The following BRCA2 variants were observed in gnomAD, a reference collection of about 807,000 sequenced individuals.
BRCA2 encodes breast cancer type 2 susceptibility protein.
In BRCA2, 203 loss-of-function variants were observed where a neutral mutation model predicts 276.7. The ratio of observed to expected loss-of-function variants is 0.73; its 90% CI spans 0.65 to 0.82. The LOEUF (loss-of-function observed/expected upper bound fraction) is 0.82, where lower values mean the gene tolerates loss of function less well. BRCA2 is among the 40% of genes least tolerant of loss of function. The probability of loss-of-function intolerance (pLI) is 0.00; values close to 1 mark genes in which losing one functional copy is unlikely to be tolerated. For synonymous variants in BRCA2, 1,289 were observed against 1,338.4 expected (o/e 0.96, Z 0.81); for missense variants, 3,920 against 3,915.0 (o/e 1.00, Z -0.03).
At chr13:32,389,746 G>T (rs780392422) in intron 24 of BRCA2, among the ~76,000 whole-genome samples, 28 of 152,250 alleles carry the variant, frequency 1.8e-4, no homozygotes, top group Non-Finnish European at 3.7e-4. Flanking sequence ...TCCAGATAAG[G>T]CTGCATTCAC....
intron 24 of BRCA2, among the ~76,000 whole-genome samples, chr13:32,391,506 T>C (rs546860324): frequency 2.0e-4 from 31 of 152,276 alleles, no homozygotes; most frequent in Non-Finnish European, 3.7e-4. Context: ...GAGTTGTCAA[T>C]AGCTAGCTCT....
intron 7 of BRCA2, among the ~76,000 whole-genome samples, 193 bp from the exon 8 acceptor site, chr13:32,329,250 A>G (rs1057346192): frequency 6.6e-6 from 1 of 152,194 alleles, no homozygotes; most frequent in Non-Finnish European, 1.5e-5. Flanking sequence ...GAGTAGTACT[A>G]AGGAAGTAAG....
At position 32,332,457 on chromosome 13, in the gene BRCA2, A is replaced by G. The variant is rs80359242; in HGVS notation, c.979A>G (p.Lys327Glu). Residue 327 changes from lysine (K) to glutamate (E), a missense_variant, in exon 10 of 27, where the codon AAG (lysine) becomes GAG (glutamate). Physicochemically the swap from Lys to Glu is moderately conservative, Grantham distance 56 (BLOSUM62 1). Coordinates refer to ENST00000380152, the MANE Select transcript of BRCA2 (RefSeq NM_000059.4). The part of the protein sequence containing the change: ...TKNLQKVRTS[K>E]TRKKIFHEAN... ...AAATCTACAAAAAGTAAGAACTAGC[A>G]AGACTAGGAAAAAAATTTTCCATGA... is the stretch of plus-strand genomic sequence containing the variant. The G allele has an allele frequency of 6.3e-7, 1 of 1,593,252 alleles. No homozygotes were observed. Among genetic ancestry groups the G allele is most frequent in the South Asian group, 1.2e-5 (1 of 86,178 alleles).
In BRCA2 at chr13:32,337,301, A is replaced by G. The variant is rs80358541; in HGVS notation, c.2946A>G (p.Ile982Met). Reference protein sequence around the residue: ...KSDISLNIDKIPEKNNDYMNK... With the variant: ...KSDISLNIDKMPEKNNDYMNK... ...ACATCTCCTTGAATATAGATAAAAT[A>G]CCAGAAAAAAATAATGATTACATGA... The change falls in exon 11 of 27, where the codon ATA becomes ATG. Residue 982 changes from isoleucine to methionine, a missense_variant. By Grantham distance (10) the Ile-to-Met change is conservative (BLOSUM62 1). This residue lies in a region of BRCA2 where 3,263 missense variants were observed against 3,156.9 expected (regional missense o/e 1.03). Coordinates refer to ENST00000380152, the MANE Select transcript of BRCA2 (RefSeq NM_000059.4). The G allele has an allele frequency of 1.8e-5, 29 of 1,612,682 alleles. No individual in the cohort carries two copies. The Admixed American group carries it at 4.3e-4, about 24-fold the overall frequency.
chr13:32,326,459 G>A (rs768257523), intron 6 of BRCA2, 40 bp from the exon 7 acceptor site: 3 of 1,502,346 alleles, frequency 2.0e-6, no homozygotes, highest in African/African-American at 2.8e-5. Flanking sequence ...TAATGATCAG[G>A]GCATTTCTAT....
At chr13:32,329,895 C>A (rs2137459362) in intron 8 of BRCA2, among the ~76,000 whole-genome samples, 1 of 152,142 alleles carries the variant, frequency 6.6e-6, no homozygotes, top group South Asian at 2.1e-4. Flanking sequence ...AAGAGATTAA[C>A]AAGAACTAAT....
In BRCA2 at chr13:32,357,716, T is replaced by G. The variant is rs764030327; in HGVS notation, c.7618-26T>G. ...CATGTTTACTTTAAATTGTTTTTCT[T>G]TTTTGTGTGTGTTTATTTTGTGTAG... On this transcript the variant is annotated intron_variant, in intron 15 of 26. Coordinates refer to ENST00000380152, the MANE Select transcript of BRCA2 (RefSeq NM_000059.4). The G allele has an allele frequency of 2.3e-5, 37 of 1,599,952 alleles. No homozygotes were observed. The Admixed American group carries it at 6.1e-4, about 26-fold the overall frequency.
intron 18 of BRCA2, 30 bp downstream of exon 18, chr13:32,363,563 C>G (rs766143318): frequency 6.4e-7 from 1 of 1,573,928 alleles, no homozygotes; most frequent in Non-Finnish European, 8.7e-7. Flanking sequence ...TGGTAAAAAT[C>G]AGTCATTGAT....
chr13:32,336,874 T>C lies in BRCA2; in HGVS notation c.2519T>C (p.Met840Thr), dbSNP rs758009637. The change falls in exon 11 of 27, where the codon ATG becomes ACG. Residue 840 changes from methionine (M) to threonine (T), a missense_variant. Physicochemically the swap from Met to Thr is moderately conservative, Grantham distance 81. Around this residue, in one of 2 missense-constraint regions of BRCA2, gnomAD observed 3,263 missense variants for 3,156.9 expected, o/e 1.03. Coordinates refer to ENST00000380152, the MANE Select transcript of BRCA2 (RefSeq NM_000059.4). ...NVELLPPEKY[M>T]RVASPSRKVQ... ...GAGCTGTTGCCACCTGAAAAATACA[T>C]GAGAGTAGCATCACCTTCAAGAAAG... 2 of 1,610,694 alleles carry C rather than the reference T, an allele frequency of 1.2e-6. No homozygotes were observed. The highest frequency in any genetic ancestry group is 2.2e-5 in the East Asian group (1 of 44,846).
In BRCA2 at chr13:32,340,685, T is replaced by TA. The variant is rs876659617; in HGVS notation, c.6332dup (p.Arg2112GlufsTer17). ...TATCAAAAATACTTCCTCGTGTTGATAAGAGAAACCCAGAGCACTGTGTAA... is the reference window on the plus strand; with the variant it reads ...TATCAAAAATACTTCCTCGTGTTGATAAAGAGAAACCCAGAGCACTGTGTAA... On this transcript the variant is annotated frameshift_variant, in exon 11 of 27. Coordinates refer to ENST00000380152, the MANE Select transcript of BRCA2 (RefSeq NM_000059.4). LOFTEE classifies it high-confidence loss of function. The TA allele has an allele frequency of 1.9e-6, 3 of 1,609,018 alleles. No individual in the cohort carries two copies. In the South Asian group the frequency reaches 3.3e-5, roughly 18 times the overall value.
chr13:32,382,026 T>G (rs1270469265), intron 24 of BRCA2, among the ~76,000 whole-genome samples: 1 of 152,196 alleles, frequency 6.6e-6, no homozygotes, highest in Non-Finnish European at 1.5e-5. Flanking sequence ...TAGATGCTTA[T>G]TAGGCATCTA....
intron 1 of BRCA2, among the ~76,000 whole-genome samples, chr13:32,315,890 G>A (rs1460001159): frequency 1.3e-5 from 2 of 152,194 alleles, no homozygotes; most frequent in Non-Finnish European, 2.9e-5. Context: ...TCCCGCCTCC[G>A]GCCCGGCCTT....
Position 32,340,531 on chromosome 13 carries a change from GT to G in BRCA2, c.6177del (p.Ser2059ArgfsTer11). 1 of 1,613,408 alleles carries G rather than the reference GT, an allele frequency of 6.2e-7. No homozygotes were observed. Among genetic ancestry groups the G allele is most frequent in the Non-Finnish European group, 8.5e-7 (1 of 1,179,674 alleles). On this transcript the variant is annotated frameshift_variant, in exon 11 of 27. Coordinates refer to ENST00000380152, the MANE Select transcript of BRCA2 (RefSeq NM_000059.4). LOFTEE classifies it high-confidence loss of function. ...AATTCATCTGCTTTCTCTGGATTTA[GT>G]ACAGCAAGTGGAAAGCAAGTTTCCA... is the stretch of plus-strand genomic sequence containing the variant. ...VVNSSAFSGF[S>X]TASGKQVSIL...
At chr13:32,353,722 G>A (rs144218258) in intron 13 of BRCA2, among the ~76,000 whole-genome samples, 50 of 152,292 alleles carry the variant, frequency 3.3e-4, no homozygotes, top group Non-Finnish European at 5.3e-4. Flanking sequence ...ATGGGCGAAC[G>A]GATAACTAAA....
intron 11 of BRCA2, among the ~76,000 whole-genome samples, chr13:32,343,663 C>T (rs1250539919): frequency 6.6e-6 from 1 of 151,826 alleles, no homozygotes; most frequent in Admixed American, 6.6e-5. Flanking sequence ...TATAGCAACC[C>T]ATTCTGTTCT....
chr13:32,332,243 T>TA (rs752801644), intron 9 of BRCA2, 29 bp from the exon 10 acceptor site: 86 of 1,547,462 alleles, frequency 5.6e-5, no homozygotes, highest in Non-Finnish European at 7.3e-5. Context: ...TATAAAATAT[T>TA]AATGTGCTTC....
intron 21 of BRCA2, among the ~76,000 whole-genome samples, chr13:32,377,421 G>A (rs1050935392): frequency 2.6e-5 from 4 of 151,942 alleles, no homozygotes; most frequent in Non-Finnish European, 5.9e-5. Context: ...GTGAAACCCC[G>A]TCCCTATTAA....
rs2137616857 is a variant in BRCA2 at position 32,378,210 on chromosome 13, G to A, written c.8755-1107G>A. On this transcript the variant is annotated intron_variant, in intron 21 of 26. Transcript: ENST00000380152. The stretch of plus-strand genomic sequence containing the variant: ...GTCTGGACATAAGGGGGCAGAATAA[G>A]AGTTGGAGTAGGGCCTTGCCCAGCC... Among the ~76,000 whole-genome samples, 3 of 152,306 alleles carry A rather than the reference G, an allele frequency of 2.0e-5. 1 individual carries two copies. The East Asian group carries it at 5.8e-4, about 29-fold the overall frequency.
intron 3 of BRCA2, among the ~76,000 whole-genome samples, chr13:32,319,637 TA>T (rs2072292960): frequency 6.6e-6 from 1 of 150,476 alleles, no homozygotes; most frequent in South Asian, 2.1e-4. Context: ...TTAATTAAAC[TA>T]AACTATATTT....
Sources: gnomAD v4.1 joint callset for allele counts (sites outside exome capture counted in the v4.1 genomes callset) on GRCh38, gnomAD v4.1.1 for gene constraint, gnomAD v4.1.1 regional missense constraint, MANE v1.5 for transcripts, NCBI Gene and HGNC (gene_info 2026-07-23, HGNC 2026-07-21) for gene names.